Variants in UNC5B observed in about 807,000 individuals in gnomAD.
The protein encoded by UNC5B is unc-5 netrin receptor B.
Under a neutral mutation model 103.7 loss-of-function variants are expected in UNC5B, and 56 were observed. The ratio of observed to expected loss-of-function variants is 0.54; its 90% CI spans 0.44 to 0.67. The LOEUF (loss-of-function observed/expected upper bound fraction) is 0.67, where lower values mean the gene tolerates loss of function less well. Ranked by LOEUF, UNC5B falls within the 30% of genes least tolerant of loss-of-function variation. UNC5B has a pLI of 0.00. For synonymous variants in UNC5B, 577 were observed against 542.0 expected (o/e 1.06, Z -0.90); for missense variants, 1,194 against 1,284.5 (o/e 0.93, Z 1.08).
In UNC5B at chr10:71,298,001, C is replaced by T. The variant is rs762478471; in HGVS notation, c.2583C>T (p.Ser861=). The T allele has an allele frequency of 1.9e-6, 3 of 1,614,012 alleles. No individual in the cohort carries two copies. Among genetic ancestry groups the T allele is most frequent in the Non-Finnish European group, 2.5e-6 (3 of 1,180,012 alleles). Residue 861 remains serine (S), a synonymous_variant, in exon 16 of 17, where the codon TCC becomes TCT. Transcript: ENST00000335350. ...CTTATGCCTTCAAGATCCCACTGTC[C>T]ATCCGCCAGAAGATATGCAACAGCC... is the stretch of plus-strand genomic sequence containing the variant. The part of the protein sequence containing the change: ...LGPYAFKIPL[S]IRQKICNSLD...
intron 1 of UNC5B, among the ~76,000 whole-genome samples, chr10:71,261,921 G>A (rs898112804): frequency 2.0e-5 from 3 of 152,014 alleles, no homozygotes; most frequent in African/African-American, 4.8e-5. Flanking sequence ...GGGCTCTGAC[G>A]GGAAGGGTTA....
chr10:71,299,107 G>C lies in UNC5B; in HGVS notation c.2673-5G>C, dbSNP rs754783474. On this transcript the variant is annotated splice_region_variant and splice_polypyrimidine_tract_variant and intron_variant, in intron 16 of 16. Coordinates refer to ENST00000335350, the MANE Select transcript of UNC5B (RefSeq NM_170744.5). ...GAACCTCAGTGCCCTCCTTCCCTCT[G>C]CCAGGTACCTGAATTACTTTGCCAC... is the stretch of plus-strand genomic sequence containing the variant. 4 of 1,614,138 alleles carry C rather than the reference G, an allele frequency of 2.5e-6. No homozygotes were observed. In the South Asian group the frequency reaches 4.4e-5, roughly 18 times the overall value.
At chr10:71,243,127 TG>T (rs1843944310) in intron 1 of UNC5B, among the ~76,000 whole-genome samples, 1 of 152,036 alleles carries the variant, frequency 6.6e-6, no homozygotes, top group Admixed American at 6.5e-5. Context: ...CCCAGCTACT[TG>T]GGAGGCTGAG....
chr10:71,213,208 C>T lies in UNC5B; in HGVS notation c.79+144C>T, dbSNP rs1843262929. 3 of 621,100 alleles carry T rather than the reference C, an allele frequency of 4.8e-6. No homozygotes were observed. Among genetic ancestry groups the T allele is most frequent in the African/African-American group, 1.9e-5 (1 of 52,568 alleles). The allele number at this position is 621,100 out of a possible 1,614,324, so 38.5% of individuals were successfully genotyped here. Reference sequence around the variant, plus strand: ...CAAGTTAGAATGTAGATTTTACTGCCTCCCAAAGTGGGCAATGGCGCATCC... The same window carrying T: ...CAAGTTAGAATGTAGATTTTACTGCTTCCCAAAGTGGGCAATGGCGCATCC... On this transcript the variant is annotated intron_variant, in intron 1 of 16. Transcript: ENST00000335350. The surrounding 1 kb of genome is among the most constrained non-coding windows in gnomAD (Gnocchi z 4.1).
chr10:71,265,715 G>A (rs1844508373), intron 1 of UNC5B, among the ~76,000 whole-genome samples: 1 of 152,118 alleles, frequency 6.6e-6, no homozygotes, highest in African/African-American at 2.4e-5. Flanking sequence ...AGAGGCTCTG[G>A]GCCAGCCGGG....
At chr10:71,252,558 G>A (rs2132271918) in intron 1 of UNC5B, among the ~76,000 whole-genome samples, 1 of 152,324 alleles carries the variant, frequency 6.6e-6, no homozygotes. Flanking sequence ...ACCACTAGCA[G>A]TTTTTCAGCT....
chr10:71,272,100 C>T (rs1844659945), intron 1 of UNC5B, among the ~76,000 whole-genome samples: 1 of 152,146 alleles, frequency 6.6e-6, no homozygotes, highest in Non-Finnish European at 1.5e-5. Context: ...TAAATTGGCT[C>T]CTCTCCCCCA....
chr10:71,268,874 G>C (rs974962513), intron 1 of UNC5B, among the ~76,000 whole-genome samples: 4 of 152,180 alleles, frequency 2.6e-5, no homozygotes, highest in Non-Finnish European at 5.9e-5. Context: ...TTCCTGCCCA[G>C]AACCCAAACA....
chr10:71,262,249 C>T (rs557992348), intron 1 of UNC5B, among the ~76,000 whole-genome samples: 48 of 152,242 alleles, frequency 3.2e-4, no homozygotes, highest in African/African-American at 1.1e-3. Context: ...TGGCACCCGA[C>T]ACCCCCTCAT....
At chr10:71,220,513 C>T (rs1170531374) in intron 1 of UNC5B, among the ~76,000 whole-genome samples, 1 of 152,168 alleles carries the variant, frequency 6.6e-6, no homozygotes, top group East Asian at 1.9e-4. Context: ...GAGTGCATGG[C>T]ATTGCCAATT....
At chr10:71,227,689 CAT>C (rs1369262214) in intron 1 of UNC5B, among the ~76,000 whole-genome samples, 36 of 134,388 alleles carry the variant, frequency 2.7e-4, no homozygotes, top group African/African-American at 8.4e-4. Context: ...TATATATACA[CAT>C]ATATATACAC....
chr10:71,290,499 T>G (rs1845218920), intron 8 of UNC5B, among the ~76,000 whole-genome samples: 1 of 152,120 alleles, frequency 6.6e-6, no homozygotes, highest in African/African-American at 2.4e-5. Context: ...GAAGACCTTA[T>G]CTACATACAA....
At chr10:71,219,482 C>T (rs756197137) in intron 1 of UNC5B, among the ~76,000 whole-genome samples, 3 of 152,142 alleles carry the variant, frequency 2.0e-5, no homozygotes, top group East Asian at 1.9e-4. Flanking sequence ...TCTCTTTTCA[C>T]GTTTTTCTGT....
chr10:71,250,572 G>T (rs1394866211), intron 1 of UNC5B, among the ~76,000 whole-genome samples: 2 of 152,156 alleles, frequency 1.3e-5, no homozygotes, highest in Non-Finnish European at 2.9e-5. Context: ...ACTTCCCAGG[G>T]TGTAGTGTTG....
rs1845586167 is a variant in UNC5B at position 71,301,636 on chromosome 10, G to A, written c.*2359G>A. 6.6e-6 allele frequency: 1 copy of A among 152,190 alleles called. No individual in the cohort carries two copies. Among genetic ancestry groups the A allele is most frequent in the African/African-American group, 2.4e-5 (1 of 41,444 alleles). 9.4% of individuals were successfully genotyped at this position (152,190 alleles called of 1,614,324 possible). ...GGCTAGACCACACGTGCCGTGACAG[G>A]GGGTGCCATTCCCCTCGCAGGCTCT... On this transcript the variant is annotated 3_prime_UTR_variant, in exon 17 of 17. Transcript: ENST00000335350.
At chr10:71,235,829 A>G (rs1843765645) in intron 1 of UNC5B, among the ~76,000 whole-genome samples, 1 of 152,212 alleles carries the variant, frequency 6.6e-6, no homozygotes. Flanking sequence ...TGAGAGCCCT[A>G]GAGAGCACCT....
intron 1 of UNC5B, among the ~76,000 whole-genome samples, chr10:71,272,294 TC>T (rs1400508676): frequency 6.6e-6 from 1 of 152,012 alleles, no homozygotes; most frequent in Non-Finnish European, 1.5e-5. Flanking sequence ...GCCTGACTCC[TC>T]CCCTCCCTGT....
chr10:71,225,012 G>A (rs915721744), intron 1 of UNC5B, among the ~76,000 whole-genome samples: 5 of 152,184 alleles, frequency 3.3e-5, no homozygotes, highest in African/African-American at 1.2e-4. Context: ...GGTTATCAGC[G>A]AGGGGAGAGC....
At chr10:71,220,401 G>C (rs1003053053) in intron 1 of UNC5B, among the ~76,000 whole-genome samples, 15 of 152,186 alleles carry the variant, frequency 9.9e-5, no homozygotes, top group Non-Finnish European at 2.2e-4. Flanking sequence ...ATTTGGCAGG[G>C]GTAGGGGTGG....
Sources: allele counts gnomAD v4.1 joint callset (sites outside exome capture counted in the v4.1 genomes callset), GRCh38; gene constraint gnomAD v4.1.1; non-coding constraint Gnocchi (gnomAD v3.1); transcripts MANE v1.5; gene names NCBI Gene and HGNC (gene_info 2026-07-23, HGNC 2026-07-21).